FGF12: variants seen among roughly 807,000 people sequenced by gnomAD.
FGF12 encodes fibroblast growth factor 12B.
A neutral mutation model predicts 23.6 loss-of-function variants in FGF12; 14 were observed. That is an observed-to-expected ratio of 0.59 (90% CI 0.39 to 0.93). The LOEUF (loss-of-function observed/expected upper bound fraction) is 0.93. Among genes scored for constraint, FGF12 ranks in the 40% least tolerant of loss-of-function variants. The pLI is 0.00. For missense variants in FGF12, 175 were observed against 217.8 expected, an observed-to-expected ratio of 0.80 and a Z score of 1.24; for synonymous variants, 62 against 77.3, an observed-to-expected ratio of 0.80 and a Z score of 1.04.
rs1724601109 is a variant in FGF12 at position 192,514,642 on chromosome 3, G to T, written c.14-154104C>A. 1.0e-6 allele frequency: 1 copy of T among 961,610 alleles called. No individual in the cohort carries two copies. The highest frequency in any genetic ancestry group is 1.8e-5 in the African/African-American group (1 of 56,858). 59.6% of individuals were successfully genotyped at this position (961,610 alleles called of 1,614,324 possible). On this transcript the variant is annotated intron_variant, in intron 2 of 5. Coordinates refer to ENST00000445105, the MANE Select transcript of FGF12 (RefSeq NM_004113.6). This position sits in a 1 kb window ranked among gnomAD's most constrained non-coding sequence, Gnocchi z 4.9. The stretch of plus-strand genomic sequence containing the variant: ...AAGGGGGCATTCTGCAGTGTTTGGG[G>T]GCTGGGGAAAGAACATTTTCTCACC...
chr3:192,209,331 G>A (rs919666510), intron 4 of FGF12, among the ~76,000 whole-genome samples: 1 of 152,170 alleles, frequency 6.6e-6, no homozygotes, highest in Non-Finnish European at 1.5e-5. Flanking sequence ...AATTATCAAT[G>A]AGGATGGGAA....
intron 2 of FGF12, among the ~76,000 whole-genome samples, chr3:192,532,139 T>C (rs1450311380): frequency 6.6e-6 from 1 of 152,226 alleles, no homozygotes; most frequent in East Asian, 1.9e-4. Context: ...ACCATGCTGT[T>C]TTGGTAACTA....
intron 4 of FGF12, among the ~76,000 whole-genome samples, chr3:192,322,651 G>A (rs1297044917): frequency 6.6e-6 from 1 of 151,964 alleles, no homozygotes; most frequent in Non-Finnish European, 1.5e-5. Flanking sequence ...AAACAGACAT[G>A]CAGACCAATG....
At chr3:192,337,631 A>C (rs558913827) in intron 3 of FGF12, among the ~76,000 whole-genome samples, 27 of 152,302 alleles carry the variant, frequency 1.8e-4, no homozygotes, top group Admixed American at 1.4e-3. Flanking sequence ...CTTGGCTTTG[A>C]GCTATTCATT....
At chr3:192,596,024 C>T (rs773284027) in intron 2 of FGF12, among the ~76,000 whole-genome samples, 15 of 150,776 alleles carry the variant, frequency 9.9e-5, no homozygotes, top group South Asian at 2.1e-4. Context: ...GCCAGGGAGG[C>T]GGGGGTTGCA....
At chr3:192,699,090 AAATCCTTAT>A (rs1270793796) in intron 2 of FGF12, among the ~76,000 whole-genome samples, 1 of 152,112 alleles carries the variant, frequency 6.6e-6, no homozygotes, top group African/African-American at 2.4e-5. Context: ...GTTTCCCGAT[AAATCCTTAT>A]AACCCATTTG....
intron 5 of FGF12, among the ~76,000 whole-genome samples, chr3:192,164,870 TA>T (rs1715072954): frequency 6.6e-6 from 1 of 152,222 alleles, no homozygotes; most frequent in Admixed American, 6.5e-5. Context: ...TATCATTTTC[TA>T]ATCGTTTTCT....
intron 4 of FGF12, among the ~76,000 whole-genome samples, chr3:192,218,552 G>A (rs577597623): frequency 6.6e-6 from 1 of 152,230 alleles, no homozygotes; most frequent in East Asian, 1.9e-4. Flanking sequence ...GCTATCACCT[G>A]CTTCCCCTTC....
rs140103927 is a variant in FGF12 at position 192,565,059 on chromosome 3, A to G, written c.13+162122T>C. Among the ~76,000 whole-genome samples, 17 of 152,370 alleles carry G rather than the reference A, an allele frequency of 1.1e-4. No homozygotes were observed. The East Asian group carries it at 2.9e-3, about 26-fold the overall frequency. On this transcript the variant is annotated intron_variant, in intron 2 of 5. Coordinates refer to ENST00000445105, the MANE Select transcript of FGF12 (RefSeq NM_004113.6). The stretch of plus-strand genomic sequence containing the variant: ...GAGCTTTTTCACTTGGTGAATGCTC[A>G]ATAAATATTAATCACTGTTTATTAA...
intron 4 of FGF12, among the ~76,000 whole-genome samples, chr3:192,281,236 C>G (rs1714124281): frequency 6.6e-6 from 1 of 152,096 alleles, no homozygotes; most frequent in South Asian, 2.1e-4. Context: ...CCTAGTTTGC[C>G]TTTTCCTAGC....
chr3:192,454,943 A>G (rs765278206), intron 2 of FGF12, among the ~76,000 whole-genome samples: 36 of 152,274 alleles, frequency 2.4e-4, no homozygotes, highest in Non-Finnish European at 5.1e-4. Flanking sequence ...AGTTTTTACA[A>G]TATTTCCACT....
intron 2 of FGF12, among the ~76,000 whole-genome samples, chr3:192,612,299 G>A (rs1307897133): frequency 6.6e-6 from 1 of 151,860 alleles, no homozygotes; most frequent in Non-Finnish European, 1.5e-5. Flanking sequence ...CTTCTTAATT[G>A]ACTAGGTTTG....
intron 2 of FGF12, among the ~76,000 whole-genome samples, chr3:192,419,157 T>A (rs936587708): frequency 3.3e-5 from 5 of 152,168 alleles, no homozygotes; most frequent in Non-Finnish European, 7.4e-5. Context: ...CTTCATGACT[T>A]TTTTTAGGAT....
intron 2 of FGF12, among the ~76,000 whole-genome samples, chr3:192,467,327 T>C (rs2108811435): frequency 6.6e-6 from 1 of 152,308 alleles, no homozygotes; most frequent in African/African-American, 2.4e-5. Context: ...AGGGATCGGC[T>C]TAGGTGAATT....
chr3:192,336,727 C>T lies in FGF12; in HGVS notation c.125-1263G>A, dbSNP rs1717435287. The stretch of plus-strand genomic sequence containing the variant: ...TACACATAAATTAACCCAAGGGCTA[C>T]CATTATTTAGGGATGCCTCTATTTT... On this transcript the variant is annotated intron_variant, in intron 3 of 5. Coordinates refer to ENST00000445105, the MANE Select transcript of FGF12 (RefSeq NM_004113.6). The surrounding 1 kb of genome is among the most constrained non-coding windows in gnomAD (Gnocchi z 4.3). Among the ~76,000 whole-genome samples, 1 of 152,056 alleles carries T rather than the reference C, an allele frequency of 6.6e-6. No homozygotes were observed. Among genetic ancestry groups the T allele is most frequent in the Non-Finnish European group, 1.5e-5 (1 of 67,992 alleles).
At chr3:192,539,189 G>A (rs7650061) in intron 2 of FGF12, among the ~76,000 whole-genome samples, 40,803 of 151,978 alleles carry the variant, frequency 0.27, 5,762 homozygotes, top group Middle Eastern at 0.43. Flanking sequence ...AATAACAATG[G>A]TGAAAGTGAG....
At chr3:192,275,146 C>T (rs1237759455) in intron 4 of FGF12, among the ~76,000 whole-genome samples, 4 of 152,080 alleles carry the variant, frequency 2.6e-5, no homozygotes, top group East Asian at 1.9e-4. Context: ...GGAAGCCATT[C>T]GTTTAGACTG....
intron 2 of FGF12, among the ~76,000 whole-genome samples, chr3:192,413,534 T>C (rs969757794): frequency 6.6e-6 from 1 of 152,228 alleles, no homozygotes; most frequent in African/African-American, 2.4e-5. Context: ...AAAATCTCCA[T>C]TTAAATTAAG....
intron 4 of FGF12, among the ~76,000 whole-genome samples, chr3:192,289,899 T>C (rs945637184): frequency 6.6e-6 from 1 of 152,194 alleles, no homozygotes; most frequent in African/African-American, 2.4e-5. Context: ...AGTGCCTCAT[T>C]CAACCTTCCA....
Sources: allele counts gnomAD v4.1 joint callset (sites outside exome capture counted in the v4.1 genomes callset), GRCh38; gene constraint gnomAD v4.1.1; non-coding constraint Gnocchi (gnomAD v3.1); transcripts MANE v1.5; gene names NCBI Gene and HGNC (gene_info 2026-07-23, HGNC 2026-07-21).